LAMB3: variants seen among roughly 807,000 people sequenced by gnomAD.
The protein encoded by LAMB3 is laminin subunit beta-3.
A neutral mutation model predicts 140.3 loss-of-function variants in LAMB3; 104 were observed. That is an observed-to-expected ratio of 0.74 (90% CI 0.63 to 0.87). The LOEUF (loss-of-function observed/expected upper bound fraction) is 0.87, where lower values mean the gene tolerates loss of function less well. Among genes scored for constraint, LAMB3 ranks in the 40% least tolerant of loss-of-function variants. LAMB3 has a pLI of 0.00. For synonymous variants in LAMB3, 592 were observed against 602.9 expected (o/e 0.98, Z 0.26); for missense variants, 1,531 against 1,575.2 (o/e 0.97, Z 0.47).
In LAMB3 at chr1:209,625,654, G is replaced by A; in HGVS notation, c.1970C>T (p.Ser657Phe). The A allele has an allele frequency of 6.2e-7, 1 of 1,614,176 alleles. No homozygotes were observed. The highest frequency in any genetic ancestry group is 8.5e-7 in the Non-Finnish European group (1 of 1,180,046). ...EVAQVASAILSLRRTLQGLQL... is the reference protein window; with the variant it reads ...EVAQVASAILFLRRTLQGLQL... ...GGCAGGGAAAGGGAATTACCTGAGG[G>A]AGAGGATGGCACTGGCCACCTGAGC... The change falls in exon 14 of 23, where the codon TCC becomes TTC. Residue 657 changes from serine (S) to phenylalanine (F), a missense_variant. Ser to Phe is a radical substitution (Grantham distance 155). Coordinates refer to ENST00000356082, the MANE Select transcript of LAMB3 (RefSeq NM_000228.3).
At chr1:209,630,453 T>A in intron 9 of LAMB3, 162 bp downstream of exon 9, 4 of 829,256 alleles carry the variant, frequency 4.8e-6, no homozygotes, top group Non-Finnish European at 7.7e-6. Context: ...ACTCTCTCCA[T>A]CCTCACAGAG....
rs544197508 is a variant in LAMB3, at chr1:209,633,320, C to T, written c.565-187G>A. Among the ~76,000 whole-genome samples, 9 of 151,716 alleles carry T rather than the reference C, an allele frequency of 5.9e-5. No individual in the cohort carries two copies. In the East Asian group the frequency reaches 9.7e-4, roughly 16 times the overall value. On this transcript the variant is annotated intron_variant, in intron 6 of 22. Coordinates refer to ENST00000356082, the MANE Select transcript of LAMB3 (RefSeq NM_000228.3). The stretch of plus-strand genomic sequence containing the variant: ...AGAAAGATGATCACTGGGCCCTAAA[C>T]GTGTGTGTGTGTGTACCCCACCCCC...
chr1:209,617,424 A>T lies in LAMB3; in HGVS notation c.3214T>A (p.Leu1072Met), dbSNP rs1558146876. 1 of 1,612,642 alleles carries T rather than the reference A, an allele frequency of 6.2e-7. No individual in the cohort carries two copies. Among genetic ancestry groups the T allele is most frequent in the African/African-American group, 1.3e-5 (1 of 75,006 alleles). ...CTTCTCTGTACCTCTTGGGCACTCAATGCCTGCTCGCTGGCACCTTCCGCA... is the reference window on the plus strand; with the variant it reads ...CTTCTCTGTACCTCTTGGGCACTCATTGCCTGCTCGCTGGCACCTTCCGCA... ...QLAEGASEQA[L>M]SAQEGFERIK... Residue 1072 changes from leucine (L) to methionine (M), a missense_variant, in exon 21 of 23, where the codon TTG becomes ATG. Physicochemically the swap from Leu to Met is conservative, Grantham distance 15. Coordinates refer to ENST00000356082, the MANE Select transcript of LAMB3 (RefSeq NM_000228.3).
At chr1:209,635,133 T>C (rs1408967606) in intron 5 of LAMB3, among the ~76,000 whole-genome samples, 1 of 152,106 alleles carries the variant, frequency 6.6e-6, no homozygotes, top group Non-Finnish European at 1.5e-5. Flanking sequence ...ACATATTGAG[T>C]CCCTGCTCCT....
At chr1:209,644,375 T>C (rs1021877537) in intron 3 of LAMB3, among the ~76,000 whole-genome samples, 4 of 152,202 alleles carry the variant, frequency 2.6e-5, no homozygotes, top group African/African-American at 7.2e-5. Flanking sequence ...ACTCAAAAAT[T>C]ACACTGCACC....
At chr1:209,647,791 C>G (rs1375238017) in intron 3 of LAMB3, among the ~76,000 whole-genome samples, 1 of 152,144 alleles carries the variant, frequency 6.6e-6, no homozygotes, top group Non-Finnish European at 1.5e-5. Flanking sequence ...AGCACACAAC[C>G]AAACCCTCCC....
chr1:209,646,204 G>A (rs149747876), intron 3 of LAMB3, among the ~76,000 whole-genome samples: 31 of 152,236 alleles, frequency 2.0e-4, no homozygotes, highest in African/African-American at 4.6e-4. Flanking sequence ...AAAGCTTTCC[G>A]GCAAATCCGC....
At chr1:209,648,211 G>A (rs565238326) in intron 3 of LAMB3, among the ~76,000 whole-genome samples, 1 of 152,244 alleles carries the variant, frequency 6.6e-6, no homozygotes, top group African/African-American at 2.4e-5. Flanking sequence ...GTCAGCAGTC[G>A]GCTCATTGCC....
chr1:209,650,727 G>A (rs1218830453), intron 2 of LAMB3, among the ~76,000 whole-genome samples, 190 bp downstream of exon 2: 1 of 152,232 alleles, frequency 6.6e-6, no homozygotes, highest in Non-Finnish European at 1.5e-5. Context: ...CAGAGTGGCA[G>A]AGAAACTTCT....
intron 13 of LAMB3, 106 bp from the exon 14 acceptor site, chr1:209,626,132 A>T: frequency 8.2e-7 from 1 of 1,223,336 alleles, no homozygotes; most frequent in Non-Finnish European, 1.1e-6. Flanking sequence ...TTTCTACATG[A>T]CTTAGAATAA....
rs201582241 is a variant in LAMB3 at position 209,618,464 on chromosome 1, G to A, written c.2897C>T (p.Ala966Val). The change falls in exon 19 of 23, where the codon GCT becomes GTT. Residue 966 changes from alanine (A) to valine (V), a missense_variant. Coordinates refer to ENST00000356082, the MANE Select transcript of LAMB3 (RefSeq NM_000228.3). ...CCCAAGGCCATACCTGGCTTCCTCA[G>A]CCTCAGCCTGCAACCGGCGGGCACG... ...IARARRLQAE[A>V]EEARSRAHAV... 3.3e-5 allele frequency: 53 copies of A among 1,613,824 alleles called. No homozygotes were observed. Among genetic ancestry groups the A allele is most frequent in the African/African-American group, 1.1e-4 (8 of 74,956 alleles).
At chr1:209,617,147 C>A (rs1439492423) in intron 21 of LAMB3, among the ~76,000 whole-genome samples, 1 of 152,156 alleles carries the variant, frequency 6.6e-6, no homozygotes. Flanking sequence ...GATTCTTAGG[C>A]CTGTGAACGA....
intron 3 of LAMB3, among the ~76,000 whole-genome samples, chr1:209,645,888 C>T (rs897265593): frequency 6.6e-6 from 1 of 152,170 alleles, no homozygotes; most frequent in Admixed American, 6.5e-5. Context: ...AGGCAGTGGT[C>T]GTTGGAGTGT....
At chr1:209,633,293 G>A (rs182096333) in intron 6 of LAMB3, among the ~76,000 whole-genome samples, 160 bp from the exon 7 acceptor site, 1 of 152,146 alleles carries the variant, frequency 6.6e-6, no homozygotes, top group East Asian at 1.9e-4. Flanking sequence ...CTGCTGTGGG[G>A]GAGAAAGATG....
intron 3 of LAMB3, among the ~76,000 whole-genome samples, chr1:209,641,258 G>A (rs949452116): frequency 1.3e-5 from 2 of 152,188 alleles, no homozygotes; most frequent in African/African-American, 4.8e-5. Flanking sequence ...TTGAAAGGAG[G>A]GGTGGAAGAG....
In LAMB3 at chr1:209,615,270, A is replaced by G. The variant is rs1665911025; in HGVS notation, c.*1T>C. On this transcript the variant is annotated 3_prime_UTR_variant, in exon 23 of 23. Coordinates refer to ENST00000356082, the MANE Select transcript of LAMB3 (RefSeq NM_000228.3). ...GGGGCAACGGGCTGGAAGCTGTAGC[A>G]TCACTTGCAGGTGGCATAGTAGAGC... 1.9e-6 allele frequency: 3 copies of G among 1,614,148 alleles called. No individual in the cohort carries two copies. The highest frequency in any genetic ancestry group is 1.3e-5 in the African/African-American group (1 of 75,064).
chr1:209,635,132 G>C (rs1417983988), intron 5 of LAMB3, among the ~76,000 whole-genome samples: 2 of 152,162 alleles, frequency 1.3e-5, no homozygotes, highest in Non-Finnish European at 2.9e-5. Flanking sequence ...GACATATTGA[G>C]TCCCTGCTCC....
chr1:209,615,153 G>A lies in LAMB3; in HGVS notation c.*118C>T. The A allele has an allele frequency of 7.4e-7, 1 of 1,356,356 alleles. No homozygotes were observed. The highest frequency in any genetic ancestry group is 1.0e-6 in the Non-Finnish European group (1 of 965,690). 84.0% of individuals were successfully genotyped at this position (1,356,356 alleles called of 1,614,324 possible). On this transcript the variant is annotated 3_prime_UTR_variant, in exon 23 of 23. Transcript: ENST00000356082. ...CTAGCTACACACCAGGGGTGGTCCA[G>A]GCTGTACTTTAGGCTGCATGAAAGT... is the stretch of plus-strand genomic sequence containing the variant.
chr1:209,615,630 T>C (rs1283141107), intron 22 of LAMB3, among the ~76,000 whole-genome samples: 1 of 152,146 alleles, frequency 6.6e-6, no homozygotes, highest in Non-Finnish European at 1.5e-5. Flanking sequence ...AGGCTCCCAC[T>C]CCTAATTATC....
Sources: gnomAD v4.1 joint callset for allele counts (sites outside exome capture counted in the v4.1 genomes callset) on GRCh38, gnomAD v4.1.1 for gene constraint, MANE v1.5 for transcripts, NCBI Gene and HGNC (gene_info 2026-07-23, HGNC 2026-07-21) for gene names.